The following ZCCHC2 variants were observed in gnomAD, a reference collection of about 807,000 sequenced individuals.
ZCCHC2 encodes the protein zinc finger CCHC domain-containing protein 2.
In ZCCHC2, 39 loss-of-function variants were observed where a neutral mutation model predicts 103.6. The observed-to-expected ratio is 0.38, with a 90% confidence interval of 0.29 to 0.49. The LOEUF (loss-of-function observed/expected upper bound fraction) is 0.49, where lower values mean the gene tolerates loss of function less well. ZCCHC2 is among the 20% of genes least tolerant of loss of function. The pLI is 0.96. For missense variants in ZCCHC2, 1,483 were observed against 1,491.0 expected, an observed-to-expected ratio of 0.99 and a Z score of 0.09; for synonymous variants, 687 against 608.9, an observed-to-expected ratio of 1.13 and a Z score of -1.89.
In ZCCHC2 at chr18:62,542,551, A is replaced by C; in HGVS notation, c.1105A>C (p.Lys369Gln). 6.4e-7 allele frequency: 1 copy of C among 1,564,514 alleles called. No homozygotes were observed. Among genetic ancestry groups the C allele is most frequent in the Non-Finnish European group, 8.7e-7 (1 of 1,153,114 alleles). Residue 369 changes from lysine (K) to glutamine (Q), a missense_variant, in exon 3 of 14, where the codon AAA becomes CAA. Coordinates refer to ENST00000269499, the MANE Select transcript of ZCCHC2 (RefSeq NM_017742.6). ...AGGAGTCCAGAGAAAAAGAGCTGAC[A>C]AATACTGGGAGTACACTTTCAAAGT... ...LKGVQRKRAD[K>Q]YWEYTFKVNW...
chr18:62,537,840 G>C (rs754680203), intron 1 of ZCCHC2, among the ~76,000 whole-genome samples: 1 of 152,118 alleles, frequency 6.6e-6, no homozygotes, highest in Non-Finnish European at 1.5e-5. Context: ...TTAATATTTT[G>C]AGGAACTGCC....
intron 1 of ZCCHC2, among the ~76,000 whole-genome samples, chr18:62,529,420 A>G (rs1056368767): frequency 1.3e-5 from 2 of 152,156 alleles, no homozygotes; most frequent in African/African-American, 4.8e-5. Context: ...TAGCTGTTGC[A>G]GGTGAAAGCT....
chr18:62,556,276 T>A lies in ZCCHC2; in HGVS notation c.1387T>A (p.Ser463Thr). The A allele has an allele frequency of 6.2e-7, 1 of 1,604,176 alleles. No individual in the cohort carries two copies. Residue 463 changes from serine (S) to threonine (T), a missense_variant, in exon 6 of 14, where the codon TCA becomes ACA. By Grantham distance (58) the Ser-to-Thr change is moderately conservative (BLOSUM62 1). This residue lies in a region of ZCCHC2 where 884 missense variants were observed against 907.5 expected (regional missense o/e 0.97). Coordinates refer to ENST00000269499, the MANE Select transcript of ZCCHC2 (RefSeq NM_017742.6). ...KVHSFFQSIS[S>T]DSLHSINNLQ... ...ACACAGCTTCTTTCAGTCCATATCA[T>A]CAGACTCCCTACACAGTATCAGTAA...
At chr18:62,536,527 T>C (rs1031866651) in intron 1 of ZCCHC2, among the ~76,000 whole-genome samples, 9 of 152,184 alleles carry the variant, frequency 5.9e-5, no homozygotes, top group Non-Finnish European at 1.3e-4. Flanking sequence ...TATGATTCCA[T>C]TAAAGAAGGA....
At chr18:62,561,335 G>C (rs1916106615) in intron 8 of ZCCHC2, among the ~76,000 whole-genome samples, 1 of 152,188 alleles carries the variant, frequency 6.6e-6, no homozygotes, top group South Asian at 2.1e-4. Context: ...CTTATCATCT[G>C]GTTCTCCCTT....
rs893483107 is a variant in ZCCHC2, at chr18:62,523,250, C to A, written c.-175C>A. The A allele has an allele frequency of 2.2e-6, 1 of 460,728 alleles. No homozygotes were observed. The highest frequency in any genetic ancestry group is 8.8e-5 in the South Asian group (1 of 11,388). 28.5% of individuals were successfully genotyped at this position (460,728 alleles called of 1,614,324 possible). ...CCCGGGAAGACGACGCCAGCGACCC[C>A]GCCGGCCGGCCACCGCCCCCCTCGC... On this transcript the variant is annotated 5_prime_UTR_variant, in exon 1 of 14. Coordinates refer to ENST00000269499, the MANE Select transcript of ZCCHC2 (RefSeq NM_017742.6).
At chr18:62,531,791 T>TAAAAA (rs11315078) in intron 1 of ZCCHC2, among the ~76,000 whole-genome samples, 1 of 113,480 alleles carries the variant, frequency 8.8e-6, no homozygotes, top group Non-Finnish European at 1.8e-5. Context: ...CTACAAAAAG[T>TAAAAA]AAAAAAAAAA....
intron 5 of ZCCHC2, among the ~76,000 whole-genome samples, chr18:62,553,283 C>T (rs1274325342): frequency 6.6e-6 from 1 of 151,224 alleles, no homozygotes; most frequent in African/African-American, 2.4e-5. Context: ...TATATTGGGA[C>T]ATGGTAACAC....
chr18:62,561,324 C>G (rs1300732219), intron 8 of ZCCHC2, among the ~76,000 whole-genome samples: 1 of 152,218 alleles, frequency 6.6e-6, no homozygotes, highest in African/African-American at 2.4e-5. Flanking sequence ...AGCATAGTTT[C>G]CTTATCATCT....
chr18:62,573,962 C>G (rs1916694009), intron 12 of ZCCHC2, 95 bp from the exon 13 acceptor site: 6 of 1,297,854 alleles, frequency 4.6e-6, no homozygotes, highest in Non-Finnish European at 6.3e-6. Flanking sequence ...ACTTTCCAAA[C>G]TTGAGTTACT....
At chr18:62,583,039 G>C (rs1917077755), downstream of ZCCHC2, among the ~76,000 whole-genome samples, 1 of 152,180 alleles carries the variant, frequency 6.6e-6, no homozygotes. Context: ...AGCAGGCAGA[G>C]GCTTCAGTGA....
chr18:62,526,660 T>A (rs1167189863), intron 1 of ZCCHC2, among the ~76,000 whole-genome samples: 1 of 152,018 alleles, frequency 6.6e-6, no homozygotes, highest in Non-Finnish European at 1.5e-5. Context: ...CACCTCCCCA[T>A]CGTCAGGGAT....
Position 62,574,722 on chromosome 18 carries a change from A to T in ZCCHC2, c.2641A>T (p.Met881Leu). The change falls in exon 13 of 14, where the codon ATG becomes TTG. Residue 881 changes from methionine (M) to leucine (L), a missense_variant. Physicochemically the swap from Met to Leu is conservative, Grantham distance 15 (BLOSUM62 2). Transcript: ENST00000269499. Reference sequence around the variant, plus strand: ...ATCCCAAGTGGTAGGACTCAATCAAATGGTGCCTCAAATTGAGGGAAACAC... The same window carrying T: ...ATCCCAAGTGGTAGGACTCAATCAATTGGTGCCTCAAATTGAGGGAAACAC... ...SASQVVGLNQ[M>L]VPQIEGNTGT... The T allele has an allele frequency of 6.2e-7, 1 of 1,613,962 alleles. No individual in the cohort carries two copies. The highest frequency in any genetic ancestry group is 1.3e-5 in the African/African-American group (1 of 75,024).
chr18:62,571,123 C>T lies in ZCCHC2; in HGVS notation c.1975+892C>T, dbSNP rs74427142. On this transcript the variant is annotated intron_variant, in intron 12 of 13. Coordinates refer to ENST00000269499, the MANE Select transcript of ZCCHC2 (RefSeq NM_017742.6). ...CAGCTAGTAATGCCACCTTGGGCGGCTACATTTTTAAACAGTTGCTTCTGA... is the reference window on the plus strand; with the variant it reads ...CAGCTAGTAATGCCACCTTGGGCGGTTACATTTTTAAACAGTTGCTTCTGA... 3.5e-4 allele frequency among the ~76,000 whole-genome samples: 53 copies of T among 152,350 alleles called. No homozygotes were observed. The East Asian group carries it at 7.7e-3, about 22-fold the overall frequency.
intron 6 of ZCCHC2, among the ~76,000 whole-genome samples, chr18:62,556,688 C>G (rs1183493307): frequency 1.3e-5 from 2 of 152,160 alleles, no homozygotes; most frequent in East Asian, 1.9e-4. Flanking sequence ...AATGTTAGCC[C>G]TGTTCTTCTC....
At chr18:62,535,814 C>T (rs1023600031) in intron 1 of ZCCHC2, among the ~76,000 whole-genome samples, 16 of 152,126 alleles carry the variant, frequency 1.1e-4, no homozygotes, top group Admixed American at 7.2e-4. Context: ...ACCTTTAATC[C>T]GCCACGGAAG....
At chr18:62,552,963 C>T (rs935440086) in intron 5 of ZCCHC2, among the ~76,000 whole-genome samples, 2 of 151,008 alleles carry the variant, frequency 1.3e-5, no homozygotes, top group Non-Finnish European at 2.9e-5. Flanking sequence ...TTTGATCATA[C>T]TTGGCCTCTT....
At chr18:62,536,440 G>C (rs1267646223) in intron 1 of ZCCHC2, among the ~76,000 whole-genome samples, 1 of 152,142 alleles carries the variant, frequency 6.6e-6, no homozygotes, top group African/African-American at 2.4e-5. Flanking sequence ...GTAAAATACT[G>C]ATTCTGGCAT....
rs1358310284 is a variant in ZCCHC2, at chr18:62,558,640, TA to T, written c.1409-46del. Reference sequence around the variant, plus strand: ...AAACAATTATTATATTTGTTTTCTTTATTTTAATTTTCCTAAAAAGTTAATA... The same window carrying T: ...AAACAATTATTATATTTGTTTTCTTTTTTTAATTTTCCTAAAAAGTTAATA... On this transcript the variant is annotated intron_variant, in intron 6 of 13. Transcript: ENST00000269499. 6.2e-6 allele frequency: 7 copies of T among 1,135,636 alleles called. No homozygotes were observed. In the East Asian group the frequency reaches 1.7e-4, roughly 27 times the overall value. 70.3% of individuals were successfully genotyped at this position (1,135,636 alleles called of 1,614,324 possible).
Sources: allele counts gnomAD v4.1 joint callset (sites outside exome capture counted in the v4.1 genomes callset), GRCh38; gene constraint gnomAD v4.1.1; regional missense constraint gnomAD v4.1.1; transcripts MANE v1.5; gene names NCBI Gene and HGNC (gene_info 2026-07-23, HGNC 2026-07-21).